APOBEC3G: variants seen among roughly 807,000 people sequenced by gnomAD.
APOBEC3G encodes the protein DNA dC->dU-editing enzyme APOBEC-3G.
A neutral mutation model predicts 50.0 loss-of-function variants in APOBEC3G; 44 were observed. The ratio of observed to expected loss-of-function variants is 0.88; its 90% CI spans 0.69 to 1.13. APOBEC3G has a LOEUF of 1.13. Among genes scored for constraint, APOBEC3G ranks in the 50% most tolerant of loss-of-function variants. The pLI is 0.00. For synonymous variants in APOBEC3G, 156 were observed against 175.3 expected (o/e 0.89, Z 0.87); for missense variants, 469 against 492.0 (o/e 0.95, Z 0.44).
In APOBEC3G at chr22:39,083,774, G is replaced by A. The variant is rs1928576912; in HGVS notation, c.625G>A (p.Glu209Lys). 2 of 1,613,870 alleles carry A rather than the reference G, an allele frequency of 1.2e-6. No individual in the cohort carries two copies. The highest frequency in any genetic ancestry group is 2.7e-5 in the African/African-American group (2 of 74,916). ...PPTFTFNFNN[E>K]PWVRGRHETY... Reference sequence around the variant, plus strand: ...CACATTCACTTTCAACTTTAACAATGAACCTTGGGTCAGAGGACGGCATGA... The same window carrying A: ...CACATTCACTTTCAACTTTAACAATAAACCTTGGGTCAGAGGACGGCATGA... The change falls in exon 5 of 8, where the codon GAA (glutamate) becomes AAA (lysine). Residue 209 changes from glutamate (E) to lysine (K), a missense_variant. Transcript: ENST00000407997.
chr22:39,078,437 C>G (rs1269522403), intron 1 of APOBEC3G: 2 of 154,856 alleles, frequency 1.3e-5, no homozygotes, highest in African/African-American at 4.8e-5. Flanking sequence ...GAAAGGGGCC[C>G]CCACTCCATT....
intron 2 of APOBEC3G, chr22:39,079,913 AG>A (rs1218739960): frequency 3.9e-5 from 6 of 152,588 alleles, no homozygotes; most frequent in African/African-American, 1.5e-4. Flanking sequence ...GCATGGTGGC[AG>A]TCACCTGTAA....
Position 39,087,121 on chromosome 22 carries a change from C to T in APOBEC3G, c.1135C>T (p.Leu379Phe), listed in dbSNP as rs144459761. 1 of 1,614,048 alleles carries T rather than the reference C, an allele frequency of 6.2e-7. No individual in the cohort carries two copies. The highest frequency in any genetic ancestry group is 1.3e-5 in the African/African-American group (1 of 75,032). ...CCTGAGTGGGAGGCTGCGGGCCATT[C>T]TCCAGGTGAGGGCTTCTTCCCTCTG... Reference protein sequence around the residue: ...QDLSGRLRAILQNQEN With the variant: ...QDLSGRLRAIFQNQEN Residue 379 changes from leucine to phenylalanine, a missense_variant, in exon 7 of 8, where the codon CTC (leucine) becomes TTC (phenylalanine). Physicochemically the swap from Leu to Phe is conservative, Grantham distance 22. Transcript: ENST00000407997.
chr22:39,079,233 T>A (rs1488271842), intron 2 of APOBEC3G, 148 bp downstream of exon 2: 1 of 1,129,116 alleles, frequency 8.9e-7, no homozygotes, highest in African/African-American at 1.6e-5. Flanking sequence ...CTGACCTTCC[T>A]GCTGGACCGT....
At chr22:39,077,410 T>G in intron 1 of APOBEC3G, 32 bp downstream of exon 1, 1 of 1,575,904 alleles carries the variant, frequency 6.3e-7, no homozygotes, top group Non-Finnish European at 8.6e-7. Context: ...ACTGGGCCCC[T>G]CTGCTGCCCC....
chr22:39,080,199 A>G, intron 2 of APOBEC3G: 2 of 785,922 alleles, frequency 2.5e-6, no homozygotes, highest in Non-Finnish European at 1.6e-6. Flanking sequence ...CAGGCAGGGA[A>G]CAAGGCAGAC....
At chr22:39,081,772 C>A in intron 4 of APOBEC3G, 187 bp downstream of exon 4, 1 of 553,644 alleles carries the variant, frequency 1.8e-6, no homozygotes. Context: ...CACCTCCCTG[C>A]CTCCCACCTG....
intron 1 of APOBEC3G, among the ~76,000 whole-genome samples, chr22:39,078,307 A>G (rs572440876): frequency 2.6e-5 from 4 of 152,220 alleles, no homozygotes; most frequent in African/African-American, 4.8e-5. Flanking sequence ...AATATATGGG[A>G]AAAAAACTCA....
At chr22:39,081,800 TGTGA>T in intron 4 of APOBEC3G, 1 of 507,598 alleles carries the variant, frequency 2.0e-6, no homozygotes, top group East Asian at 3.4e-5. Context: ...GGGCCCTTCC[TGTGA>T]GTGAGAGGCC....
intron 1 of APOBEC3G, 73 bp from the exon 2 acceptor site, chr22:39,078,859 T>A (rs1378182343): frequency 1.3e-6 from 2 of 1,584,542 alleles, no homozygotes; most frequent in East Asian, 2.2e-5. Flanking sequence ...GGGGGCTGTG[T>A]TTAGTGGACA....
intron 3 of APOBEC3G, 27 bp from the exon 4 acceptor site, chr22:39,081,444 G>A: frequency 1.2e-6 from 2 of 1,606,836 alleles, no homozygotes; most frequent in South Asian, 1.1e-5. Context: ...AGCTGGGCTT[G>A]ACTGCGTTCT....
At chr22:39,078,492 G>A (rs12165511) in intron 1 of APOBEC3G, 7 of 159,666 alleles carry the variant, frequency 4.4e-5, no homozygotes, top group South Asian at 1.8e-4. Flanking sequence ...GCCTCTCTGC[G>A]CGTCTGGCCC....
chr22:39,081,763 A>G, intron 4 of APOBEC3G, 178 bp downstream of exon 4: 1 of 545,938 alleles, frequency 1.8e-6, no homozygotes, highest in Non-Finnish European at 3.2e-6. Context: ...TGCTCCCTCC[A>G]CCTCCCTGCC....
At chr22:39,081,795 C>T in intron 4 of APOBEC3G, 2 of 530,062 alleles carry the variant, frequency 3.8e-6, no homozygotes, top group South Asian at 2.4e-5. Flanking sequence ...TTCCTGGGCC[C>T]TTCCTGTGAG....
chr22:39,079,151 C>A, intron 2 of APOBEC3G, 66 bp downstream of exon 2: 2 of 1,566,904 alleles, frequency 1.3e-6, no homozygotes, highest in Non-Finnish European at 8.6e-7. Flanking sequence ...AAACCACGCA[C>A]TGATAAGTGA....
At chr22:39,081,291 C>T in intron 3 of APOBEC3G, 64 bp downstream of exon 3, 1 of 1,581,198 alleles carries the variant, frequency 6.3e-7, no homozygotes, top group East Asian at 2.2e-5. Flanking sequence ...GGGTCCTTCC[C>T]ACACATACCT....
Position 39,081,502 on chromosome 22 carries a change from C to T in APOBEC3G, c.498C>T (p.Tyr166=), listed in dbSNP as rs776644361. 5.6e-6 allele frequency: 9 copies of T among 1,614,044 alleles called. No individual in the cohort carries two copies. In the East Asian group the frequency reaches 6.7e-5, roughly 12 times the overall value. Residue 166 remains tyrosine (Y), a synonymous_variant, in exon 4 of 8, where the codon TAC becomes TAT. Coordinates refer to ENST00000407997, the MANE Select transcript of APOBEC3G (RefSeq NM_021822.4). ...EFQHCWSKFV[Y]SQRELFEPWN... The stretch of plus-strand genomic sequence containing the variant: ...AGCACTGTTGGAGCAAGTTCGTGTA[C>T]AGCCAAAGAGAGCTATTTGAGCCTT...
intron 3 of APOBEC3G, 72 bp from the exon 4 acceptor site, chr22:39,081,399 G>C (rs1181661656): frequency 1.0e-5 from 16 of 1,543,550 alleles, no homozygotes; most frequent in Non-Finnish European, 1.4e-5. Context: ...AATATGTCTG[G>C]GAGGGGAGGG....
At chr22:39,083,474 C>A (rs767592303) in intron 4 of APOBEC3G, among the ~76,000 whole-genome samples, 6 of 152,148 alleles carry the variant, frequency 3.9e-5, no homozygotes, top group Non-Finnish European at 7.4e-5. Context: ...CTGAGCTGAC[C>A]CTGGGGAGAC....
Sources: allele counts gnomAD v4.1 joint callset (sites outside exome capture counted in the v4.1 genomes callset), GRCh38; gene constraint gnomAD v4.1.1; transcripts MANE v1.5; gene names NCBI Gene and HGNC (gene_info 2026-07-23, HGNC 2026-07-21).